The following AKT3 variants were observed in gnomAD, a reference collection of about 807,000 sequenced individuals.
AKT3 encodes RAC-gamma serine/threonine-protein kinase.
In AKT3, 15 loss-of-function variants were observed where a neutral mutation model predicts 65.3. The observed-to-expected ratio is 0.23, with a 90% CI of 0.15 to 0.35. The LOEUF (loss-of-function observed/expected upper bound fraction) is 0.35, where lower values mean the gene tolerates loss of function less well. AKT3 is among the 10% of genes least tolerant of loss of function. The pLI is 1.00. For missense variants in AKT3, 243 were observed against 576.5 expected (o/e 0.42, Z 5.92); for synonymous variants, 206 against 183.8 (o/e 1.12, Z -0.98).
intron 2 of AKT3, among the ~76,000 whole-genome samples, chr1:243,803,250 CA>C (rs1692487191): frequency 6.6e-6 from 1 of 152,140 alleles, no homozygotes; most frequent in Non-Finnish European, 1.5e-5. Flanking sequence ...ATCCTCCCAA[CA>C]ACATTAAAAG....
At chr1:243,617,139 T>TCCAC (rs796330668) in intron 6 of AKT3, among the ~76,000 whole-genome samples, 5 of 148,738 alleles carry the variant, frequency 3.4e-5, no homozygotes, top group East Asian at 2.0e-4. Flanking sequence ...CATTCATCCA[T>TCCAC]CCACCCACCC....
intron 2 of AKT3, among the ~76,000 whole-genome samples, chr1:243,816,729 TACAA>T (rs1693548111): frequency 6.6e-6 from 1 of 151,526 alleles, no homozygotes; most frequent in Admixed American, 6.6e-5. Context: ...GAAGACAAAC[TACAA>T]ACATTCATGG....
At position 243,494,070 on chromosome 1, in the gene AKT3, A is replaced by G. The variant is rs1393613388; in HGVS notation, c.*7-5620T>C. Among the ~76,000 whole-genome samples the G allele has an allele frequency of 2.0e-5, 3 of 152,180 alleles. No homozygotes were observed. In the East Asian group the frequency reaches 5.8e-4, roughly 29 times the overall value. On this transcript the variant is annotated intron_variant, in intron 13 of 13. Coordinates refer to the AKT3 transcript ENST00000336199. The stretch of plus-strand genomic sequence containing the variant: ...GCCCAGCTGACTTAGGAGCTACCAC[A>G]AAGTTAGCTACCTGTAAGACAGATG...
At chr1:243,750,086 G>A (rs577973424) in intron 2 of AKT3, among the ~76,000 whole-genome samples, 6 of 152,224 alleles carry the variant, frequency 3.9e-5, no homozygotes, top group South Asian at 2.1e-4. Context: ...ATAAAGAGGC[G>A]AAGTCATGCT....
intron 8 of AKT3, among the ~76,000 whole-genome samples, chr1:243,606,850 C>T (rs1421067048): frequency 1.3e-5 from 2 of 152,230 alleles, no homozygotes; most frequent in African/African-American, 2.4e-5. Context: ...CTCTGTGCAG[C>T]CTTGGGACAT....
At chr1:243,629,422 A>T (rs903374236) in intron 6 of AKT3, among the ~76,000 whole-genome samples, 8 of 152,190 alleles carry the variant, frequency 5.3e-5, no homozygotes, top group African/African-American at 9.7e-5. Context: ...CAGGATCAGG[A>T]GATGACTGGA....
downstream of AKT3, among the ~76,000 whole-genome samples, chr1:243,495,865 C>G (rs1474369796): frequency 6.6e-6 from 1 of 152,144 alleles, no homozygotes; most frequent in Non-Finnish European, 1.5e-5. Flanking sequence ...AAACTGGCTG[C>G]CCCTCATCTG....
At chr1:243,821,537 C>T (rs1693855272) in intron 2 of AKT3, among the ~76,000 whole-genome samples, 1 of 152,068 alleles carries the variant, frequency 6.6e-6, no homozygotes, top group Non-Finnish European at 1.5e-5. Flanking sequence ...TTCAAGAGAC[C>T]CATCTCATGG....
intron 2 of AKT3, among the ~76,000 whole-genome samples, chr1:243,801,690 C>T (rs7512207): frequency 0.78 from 118,546 of 152,082 alleles, 47,157 homozygotes; most frequent in Non-Finnish European, 0.86. Context: ...TAAAGCAGAA[C>T]CTGCAGAAGG....
chr1:243,501,704 AAAG>A lies in AKT3; in HGVS notation c.*3542_*3544del, dbSNP rs1312542883. ...GGCTATTAAAAATCATGTTTTCATT[AAAG>A]AAGATTTAATTTGGGGGGATTATAG... On this transcript the variant is annotated 3_prime_UTR_variant, in exon 14 of 14. Transcript: ENST00000673466. 1 of 232,940 alleles carries A rather than the reference AAAG, an allele frequency of 4.3e-6. No homozygotes were observed. Among genetic ancestry groups the A allele is most frequent in the Non-Finnish European group, 8.5e-6 (1 of 117,934 alleles). 14.4% of individuals were successfully genotyped at this position (232,940 alleles called of 1,614,324 possible).
At chr1:243,689,681 A>G (rs1684566710) in intron 3 of AKT3, among the ~76,000 whole-genome samples, 2 of 152,076 alleles carry the variant, frequency 1.3e-5, no homozygotes, top group Non-Finnish European at 2.9e-5. Context: ...TTGGTCATGC[A>G]CAGTAGCTCA....
intron 3 of AKT3, among the ~76,000 whole-genome samples, chr1:243,668,926 A>G (rs1682985526): frequency 6.6e-6 from 1 of 152,228 alleles, no homozygotes; most frequent in Non-Finnish European, 1.5e-5. Flanking sequence ...ATCACAATTC[A>G]ACTTTGTATA....
chr1:243,748,754 A>C (rs1274577858), intron 2 of AKT3, among the ~76,000 whole-genome samples: 2 of 152,188 alleles, frequency 1.3e-5, no homozygotes, highest in Non-Finnish European at 2.9e-5. Flanking sequence ...TAGTTATATG[A>C]ATAAGATTTC....
intron 2 of AKT3, among the ~76,000 whole-genome samples, chr1:243,836,647 A>C (rs1694909736): frequency 6.6e-6 from 1 of 152,212 alleles, no homozygotes; most frequent in Non-Finnish European, 1.5e-5. Flanking sequence ...GCAGTGGCTC[A>C]GGCCTGTAAT....
intron 8 of AKT3, among the ~76,000 whole-genome samples, chr1:243,604,914 C>T (rs1035212632): frequency 2.6e-5 from 4 of 152,172 alleles, no homozygotes; most frequent in African/African-American, 9.7e-5. Flanking sequence ...AATCAAATCA[C>T]TCCCAAACAT....
chr1:243,655,908 TTTC>T (rs1481397232), intron 4 of AKT3, among the ~76,000 whole-genome samples: 2 of 152,174 alleles, frequency 1.3e-5, no homozygotes, highest in Non-Finnish European at 2.9e-5. Flanking sequence ...TCTGGGTTTC[TTTC>T]TTCAATACAG....
intron 2 of AKT3, among the ~76,000 whole-genome samples, chr1:243,809,007 G>T (rs979920539): frequency 6.6e-6 from 1 of 152,168 alleles, no homozygotes; most frequent in African/African-American, 2.4e-5. Flanking sequence ...CACCAGGTCT[G>T]CCCTAAAAGA....
At chr1:243,840,493 T>A (rs545818067) in intron 2 of AKT3, among the ~76,000 whole-genome samples, 2 of 152,260 alleles carry the variant, frequency 1.3e-5, no homozygotes, top group South Asian at 4.2e-4. Context: ...TGCACATGTA[T>A]CCCAGAACTT....
At chr1:243,557,893 T>C (rs1296167167) in intron 10 of AKT3, among the ~76,000 whole-genome samples, 1 of 152,040 alleles carries the variant, frequency 6.6e-6, no homozygotes, top group Admixed American at 6.6e-5. Flanking sequence ...TTAGAAAGGC[T>C]ACTAAAACAA....
Sources: gnomAD v4.1 joint callset for allele counts (sites outside exome capture counted in the v4.1 genomes callset) on GRCh38, gnomAD v4.1.1 for gene constraint, MANE v1.5 for transcripts, NCBI Gene and HGNC (gene_info 2026-07-23, HGNC 2026-07-21) for gene names.